Variants in PDGFRA observed in about 807,000 individuals in gnomAD.
PDGFRA encodes the protein platelet-derived growth factor receptor alpha.
PDGFRA carries 25 observed loss-of-function variants against 121.5 expected under a neutral mutation model. That is an observed-to-expected ratio of 0.21 (90% CI 0.15 to 0.29). The LOEUF is 0.29. Ranked by LOEUF, PDGFRA falls within the 10% of genes least tolerant of loss-of-function variation. The pLI is 1.00. For missense variants in PDGFRA, 1,008 were observed against 1,345.1 expected (o/e 0.75, Z 3.92); for synonymous variants, 463 against 494.8 (o/e 0.94, Z 0.85).
At chr4:54,252,741 G>A (rs1268166178) in intron 1 of PDGFRA, among the ~76,000 whole-genome samples, 1 of 152,044 alleles carries the variant, frequency 6.6e-6, no homozygotes, top group Non-Finnish European at 1.5e-5. Context: ...TGAGGGTGGG[G>A]TGAAATTCAA....
At chr4:54,249,809 A>T (rs1028891501) in intron 1 of PDGFRA, among the ~76,000 whole-genome samples, 8 of 152,038 alleles carry the variant, frequency 5.3e-5, no homozygotes, top group South Asian at 2.1e-4. Flanking sequence ...AAAAATTTTT[A>T]AAAAATAAAG....
intron 8 of PDGFRA, among the ~76,000 whole-genome samples, chr4:54,271,252 C>T (rs1040328559): frequency 6.6e-6 from 1 of 152,184 alleles, no homozygotes; most frequent in Non-Finnish European, 1.5e-5. Context: ...TGTTTACATT[C>T]AGGCTCAGCA....
At chr4:54,273,801 A>G in intron 10 of PDGFRA, 71 bp downstream of exon 10, 1 of 1,270,372 alleles carries the variant, frequency 7.9e-7, no homozygotes, top group Admixed American at 1.7e-5. Flanking sequence ...TTTGAATCCC[A>G]GATAGGGGTT....
intron 1 of PDGFRA, among the ~76,000 whole-genome samples, chr4:54,246,839 AAG>A (rs1721701740): frequency 6.7e-6 from 1 of 150,326 alleles, no homozygotes; most frequent in Non-Finnish European, 1.5e-5. Context: ...TAAAGAAGAA[AAG>A]AGAGAAGAAT....
At chr4:54,234,735 G>A (rs988162838) in intron 1 of PDGFRA, among the ~76,000 whole-genome samples, 16 of 152,276 alleles carry the variant, frequency 1.1e-4, no homozygotes, top group African/African-American at 3.4e-4. Context: ...CCGTTTCTGA[G>A]TGAGGAGACC....
intron 1 of PDGFRA, among the ~76,000 whole-genome samples, chr4:54,257,322 A>G (rs776274952): frequency 5.3e-5 from 8 of 152,244 alleles, no homozygotes; most frequent in Non-Finnish European, 1.2e-4. Context: ...AGTTTAGCAT[A>G]TAATCAAGAA....
intron 1 of PDGFRA, among the ~76,000 whole-genome samples, chr4:54,232,493 C>T (rs1720742223): frequency 6.6e-6 from 1 of 152,194 alleles, no homozygotes; most frequent in East Asian, 1.9e-4. Flanking sequence ...TCTCGGCCCC[C>T]GCGAAAGGGG....
Position 54,277,434 on chromosome 4 carries a change from A to C in PDGFRA, c.1833A>C (p.Thr611=), listed in dbSNP as rs372365813. Residue 611 remains threonine (T), a synonymous_variant, in exon 13 of 23, where the codon ACA becomes ACC. Coordinates refer to ENST00000257290, the MANE Select transcript of PDGFRA (RefSeq NM_006206.6). ...CGTTTGGGAAGGTGGTTGAAGGAACAGCCTATGGATTAAGCCGGTCCCAAC... is the reference window on the plus strand; with the variant it reads ...CGTTTGGGAAGGTGGTTGAAGGAACCGCCTATGGATTAAGCCGGTCCCAAC... ...SGAFGKVVEG[T]AYGLSRSQPV... is the part of the protein sequence containing the mutation. The C allele has an allele frequency of 5.6e-6, 9 of 1,614,162 alleles. No homozygotes were observed. In the African/African-American group the frequency reaches 1.2e-4, roughly 22 times the overall value.
At chr4:54,265,347 C>A in intron 5 of PDGFRA, 1 of 352,094 alleles carries the variant, frequency 2.8e-6, no homozygotes, top group Non-Finnish European at 5.5e-6. Context: ...AGATATCAAC[C>A]AAAAAATTAG....
rs1439374403 is a variant in PDGFRA at position 54,233,174 on chromosome 4, G to A, written c.-13+3759G>A. Among the ~76,000 whole-genome samples the A allele has an allele frequency of 2.0e-5, 3 of 151,392 alleles. No individual in the cohort carries two copies. The East Asian group carries it at 5.9e-4, about 30-fold the overall frequency. On this transcript the variant is annotated intron_variant, in intron 1 of 22. Coordinates refer to ENST00000257290, the MANE Select transcript of PDGFRA (RefSeq NM_006206.6). ...TCTGCAGCTCTGAGGTTCAGAGCGC[G>A]GCGCGCAGGGGCGCAGGGGCGCAGG...
chr4:54,241,615 T>A (rs1347498422), intron 1 of PDGFRA, among the ~76,000 whole-genome samples: 1 of 152,072 alleles, frequency 6.6e-6, no homozygotes, highest in African/African-American at 2.4e-5. Context: ...AATGTCATGA[T>A]CTTGGTTCAC....
rs374581506 is a variant in PDGFRA, at chr4:54,283,368, C to T, written c.2324-2003C>T. On this transcript the variant is annotated intron_variant, in intron 16 of 22. Coordinates refer to ENST00000257290, the MANE Select transcript of PDGFRA (RefSeq NM_006206.6). Reference sequence around the variant, plus strand: ...CCCACAGGCTAACACCACATGGAAGCGGCCAAGGTTTATGGCTGTCACAAG... The same window carrying T: ...CCCACAGGCTAACACCACATGGAAGTGGCCAAGGTTTATGGCTGTCACAAG... Among the ~76,000 whole-genome samples, 34 of 152,326 alleles carry T rather than the reference C, an allele frequency of 2.2e-4. No homozygotes were observed. In the South Asian group the frequency reaches 2.3e-3, roughly 10 times the overall value.
At chr4:54,290,121 C>T (rs1019274010) in intron 21 of PDGFRA, among the ~76,000 whole-genome samples, 192 bp from the exon 22 acceptor site, 3 of 152,220 alleles carry the variant, frequency 2.0e-5, no homozygotes, top group Non-Finnish European at 2.9e-5. Context: ...AGCTCTTTAC[C>T]ATTGGTGGCC....
At chr4:54,270,896 T>A in intron 8 of PDGFRA, 148 bp downstream of exon 8, 1 of 679,792 alleles carries the variant, frequency 1.5e-6, no homozygotes, top group South Asian at 1.5e-5. Context: ...GGAATACCTC[T>A]GCTGGACTCA....
intron 22 of PDGFRA, among the ~76,000 whole-genome samples, chr4:54,293,870 G>C (rs191477712): frequency 1.0e-4 from 15 of 150,426 alleles, no homozygotes; most frequent in Non-Finnish European, 2.2e-4. Flanking sequence ...GTAGGAGAAG[G>C]TGATGATAGT....
chr4:54,258,905 G>T, intron 2 of PDGFRA, 88 bp downstream of exon 2: 2 of 1,005,110 alleles, frequency 2.0e-6, no homozygotes, highest in Non-Finnish European at 3.2e-6. Flanking sequence ...CCAGTACTCT[G>T]CATACACAGT....
chr4:54,256,392 C>T (rs781220319), intron 1 of PDGFRA, among the ~76,000 whole-genome samples: 4 of 151,854 alleles, frequency 2.6e-5, no homozygotes, highest in East Asian at 3.9e-4. Context: ...CACACCACCA[C>T]GCCTGGCTAA....
chr4:54,237,745 C>A (rs1328869293), intron 1 of PDGFRA, among the ~76,000 whole-genome samples: 1 of 152,196 alleles, frequency 6.6e-6, no homozygotes, highest in South Asian at 2.1e-4. Flanking sequence ...GGGTTCACAG[C>A]ACTGTAATTG....
rs1187957560 is a variant in PDGFRA, at chr4:54,263,722, G to A, written c.423G>A (p.Glu141=). The A allele has an allele frequency of 6.2e-7, 1 of 1,613,680 alleles. No individual in the cohort carries two copies. Among genetic ancestry groups the A allele is most frequent in the Non-Finnish European group, 8.5e-7 (1 of 1,179,618 alleles). The change falls in exon 4 of 23, where the codon GAG becomes GAA. Residue 141 remains glutamate, a synonymous_variant. Transcript: ENST00000257290. The part of the protein sequence containing the change: ...LGMTDYLVIV[E]DDDSAIIPCR... ...TGACGGATTATTTAGTCATCGTGGA[G>A]GATGATGATTCTGCCATTATACCTT...
Sources: allele counts gnomAD v4.1 joint callset (sites outside exome capture counted in the v4.1 genomes callset), GRCh38; gene constraint gnomAD v4.1.1; transcripts MANE v1.5; gene names NCBI Gene and HGNC (gene_info 2026-07-23, HGNC 2026-07-21).